The following SLIT3 variants were observed in gnomAD, a reference collection of about 807,000 sequenced individuals.
The protein encoded by SLIT3 is slit guidance ligand 3.
Under a neutral mutation model 184.0 loss-of-function variants are expected in SLIT3, and 68 were observed. The ratio of observed to expected loss-of-function variants is 0.37; its 90% CI spans 0.30 to 0.45. SLIT3 has a LOEUF of 0.45. Ranked by LOEUF, SLIT3 falls within the 20% of genes least tolerant of loss-of-function variation. The pLI is 1.00. For synonymous variants in SLIT3, 831 were observed against 828.6 expected (o/e 1.00, Z -0.05); for missense variants, 1,707 against 2,026.0 (o/e 0.84, Z 3.02).
At chr5:168,829,939 T>C (rs1463891461) in intron 6 of SLIT3, among the ~76,000 whole-genome samples, 1 of 152,104 alleles carries the variant, frequency 6.6e-6, no homozygotes, top group Non-Finnish European at 1.5e-5. Context: ...CACTACAGAT[T>C]CTTGGGGCTG....
At chr5:168,929,476 A>G (rs1034035134) in intron 4 of SLIT3, among the ~76,000 whole-genome samples, 1 of 152,218 alleles carries the variant, frequency 6.6e-6, no homozygotes, top group African/African-American at 2.4e-5. Flanking sequence ...CAGCCTAGCA[A>G]AAGCTGTTCA....
rs915739036 is a variant in SLIT3 at position 168,719,713 on chromosome 5, A to G, written c.2483+2543T>C. Among the ~76,000 whole-genome samples, 2 of 152,168 alleles carry G rather than the reference A, an allele frequency of 1.3e-5. 1 individual carries two copies. Among genetic ancestry groups the G allele is most frequent in the East Asian group, 3.9e-4 (2 of 5,186 alleles). ...ATTTTAATGCACAGAATCTTCCCTC[A>G]TTTTGGATGATTCTTTAACCTAAAT... On this transcript the variant is annotated intron_variant, in intron 23 of 35. Transcript: ENST00000519560.
intron 4 of SLIT3, among the ~76,000 whole-genome samples, chr5:169,152,318 C>G (rs1288347011): frequency 6.6e-6 from 1 of 152,214 alleles, no homozygotes; most frequent in Non-Finnish European, 1.5e-5. Context: ...ACTCAGAAAG[C>G]AAATACCTGC....
chr5:169,268,154 C>T (rs761164050), intron 1 of SLIT3, among the ~76,000 whole-genome samples: 1 of 152,134 alleles, frequency 6.6e-6, no homozygotes, highest in Non-Finnish European at 1.5e-5. Flanking sequence ...TAATTTGATG[C>T]ACATTTGGGA....
At chr5:169,265,827 T>C (rs9313450) in intron 1 of SLIT3, among the ~76,000 whole-genome samples, 10,236 of 152,170 alleles carry the variant, frequency 0.067, 1,123 homozygotes, top group African/African-American at 0.23. Context: ...ACAAGTAAGA[T>C]GATGATGTTG....
intron 1 of SLIT3, among the ~76,000 whole-genome samples, chr5:169,290,754 A>T (rs1236155527): frequency 6.7e-6 from 1 of 149,066 alleles, no homozygotes; most frequent in African/African-American, 2.5e-5. Flanking sequence ...ACTAGGGCAT[A>T]CACTGGGGCA....
chr5:168,781,880 A>T (rs1342864560), intron 12 of SLIT3, among the ~76,000 whole-genome samples: 10 of 152,212 alleles, frequency 6.6e-5, no homozygotes, highest in Admixed American at 4.6e-4. Context: ...GACAATGGTC[A>T]AGTCACTTAA....
chr5:169,006,071 C>A (rs1040155897), intron 4 of SLIT3, among the ~76,000 whole-genome samples: 11 of 152,190 alleles, frequency 7.2e-5, no homozygotes, highest in African/African-American at 1.7e-4. Context: ...TCCAGCCTTG[C>A]AAGGCCTCAT....
intron 10 of SLIT3, 143 bp from the exon 11 acceptor site, chr5:168,789,774 G>T: frequency 1.5e-6 from 1 of 649,746 alleles, no homozygotes; most frequent in South Asian, 2.0e-5. Context: ...CATAGTGCAA[G>T]AGAAGGAGCT....
intron 23 of SLIT3, among the ~76,000 whole-genome samples, chr5:168,713,838 G>A (rs946271454): frequency 1.3e-5 from 2 of 152,200 alleles, no homozygotes; most frequent in South Asian, 2.1e-4. Flanking sequence ...TCTGAGGTGA[G>A]GCCTGAGATT....
intron 6 of SLIT3, among the ~76,000 whole-genome samples, chr5:168,844,152 C>T (rs1233661101): frequency 6.6e-6 from 1 of 152,128 alleles, no homozygotes; most frequent in Non-Finnish European, 1.5e-5. Flanking sequence ...TCCAGCTGAC[C>T]TCCTGGCACT....
intron 15 of SLIT3, among the ~76,000 whole-genome samples, chr5:168,761,920 A>AT (rs546743393): frequency 4.0e-4 from 46 of 115,608 alleles, no homozygotes; most frequent in South Asian, 6.2e-4. Context: ...AAAAAAAAAA[A>AT]ATTTTTTTTT....
chr5:168,785,682 G>A (rs2292141), intron 12 of SLIT3, among the ~76,000 whole-genome samples: 18,397 of 152,270 alleles, frequency 0.12, 1,412 homozygotes, highest in Middle Eastern at 0.2. Context: ...GCCCTCGGCT[G>A]TATCATTTGG....
At position 169,095,907 on chromosome 5, in the gene SLIT3, A is replaced by T. The variant is rs570735745; in HGVS notation, c.413+97572T>A. On this transcript the variant is annotated intron_variant, in intron 4 of 35. Transcript: ENST00000519560. ...TTTTTAAAACAATTTTAATTACATAAGTACATGAATGCATTCTCCTGATCA... is the reference window on the plus strand; with the variant it reads ...TTTTTAAAACAATTTTAATTACATATGTACATGAATGCATTCTCCTGATCA... Among the ~76,000 whole-genome samples, 3 of 152,344 alleles carry T rather than the reference A, an allele frequency of 2.0e-5. No individual in the cohort carries two copies. The South Asian group carries it at 6.2e-4, about 32-fold the overall frequency.
intron 4 of SLIT3, among the ~76,000 whole-genome samples, chr5:169,034,408 T>C (rs772809370): frequency 7.9e-5 from 12 of 152,166 alleles, no homozygotes; most frequent in Non-Finnish European, 1.5e-4. Context: ...CTTTTATCCA[T>C]TTTGAGTCTA....
At chr5:168,686,391 T>C (rs977848372) in intron 30 of SLIT3, among the ~76,000 whole-genome samples, 11 of 152,224 alleles carry the variant, frequency 7.2e-5, no homozygotes, top group African/African-American at 2.4e-4. Flanking sequence ...CAATGGAACA[T>C]TGTTCAGCAG....
At chr5:169,073,850 T>G (rs1424141609) in intron 4 of SLIT3, among the ~76,000 whole-genome samples, 1 of 152,130 alleles carries the variant, frequency 6.6e-6, no homozygotes, top group Non-Finnish European at 1.5e-5. Flanking sequence ...CCTGCAGAAC[T>G]GTGCACAAAA....
At chr5:168,723,189 G>A (rs776224668) in intron 21 of SLIT3, among the ~76,000 whole-genome samples, 185 bp from the exon 22 acceptor site, 3 of 151,156 alleles carry the variant, frequency 2.0e-5, no homozygotes, top group Non-Finnish European at 2.9e-5. Flanking sequence ...CTACTCTCCT[G>A]CTCACCCATC....
chr5:169,228,832 T>C (rs1237155534), intron 3 of SLIT3, among the ~76,000 whole-genome samples: 1 of 152,238 alleles, frequency 6.6e-6, no homozygotes, highest in Non-Finnish European at 1.5e-5. Flanking sequence ...AATAAAATCC[T>C]GGTTTTGAAG....
Sources: allele counts gnomAD v4.1 joint callset (sites outside exome capture counted in the v4.1 genomes callset), GRCh38; gene constraint gnomAD v4.1.1; transcripts MANE v1.5; gene names NCBI Gene and HGNC (gene_info 2026-07-23, HGNC 2026-07-21).